Variants in SDK1 observed in about 807,000 individuals in gnomAD.
SDK1 encodes the protein protein sidekick-1.
Under a neutral mutation model 245.5 loss-of-function variants are expected in SDK1, and 157 were observed. That is an observed-to-expected ratio of 0.64 (90% CI 0.56 to 0.73). The LOEUF is 0.73. SDK1 is among the 30% of genes least tolerant of loss of function. The pLI, the probability that SDK1 is intolerant of heterozygous loss-of-function variation, is 0.00. For missense variants in SDK1, 3,583 were observed against 3,002.3 expected, an observed-to-expected ratio of 1.19 and a Z score of -4.52; for synonymous variants, 1,647 against 1,278.5, an observed-to-expected ratio of 1.29 and a Z score of -6.15.
intron 5 of SDK1, among the ~76,000 whole-genome samples, chr7:3,899,451 C>T (rs1327165731): frequency 2.0e-5 from 3 of 152,226 alleles, no homozygotes; most frequent in Non-Finnish European, 2.9e-5. Context: ...CATTTTCTCT[C>T]GGCATCAGCT....
chr7:3,983,773 A>G (rs1351014963), intron 13 of SDK1, among the ~76,000 whole-genome samples: 4 of 152,316 alleles, frequency 2.6e-5, no homozygotes, highest in Middle Eastern at 3.4e-3. Flanking sequence ...GAAACTGGGA[A>G]AAATCAATAT....
chr7:3,715,584 C>G (rs1785176943), intron 4 of SDK1, among the ~76,000 whole-genome samples: 1 of 152,150 alleles, frequency 6.6e-6, no homozygotes, highest in Admixed American at 6.5e-5. Flanking sequence ...ACAAAGGAGA[C>G]CAGGACAGCT....
intron 5 of SDK1, among the ~76,000 whole-genome samples, chr7:3,925,463 A>G (rs1314802081): frequency 1.3e-5 from 2 of 152,194 alleles, no homozygotes; most frequent in Non-Finnish European, 2.9e-5. Flanking sequence ...TACCCTCATC[A>G]GGAGAGACTG....
chr7:3,921,948 A>T (rs1779599955), intron 5 of SDK1, among the ~76,000 whole-genome samples: 1 of 152,156 alleles, frequency 6.6e-6, no homozygotes, highest in Admixed American at 6.5e-5. Flanking sequence ...CCTGGGCAAC[A>T]GAGTTAGGCC....
intron 1 of SDK1, among the ~76,000 whole-genome samples, chr7:3,382,217 C>T (rs545281930): frequency 6.6e-5 from 10 of 151,944 alleles, no homozygotes; most frequent in South Asian, 2.1e-4. Context: ...GTGATCCTCC[C>T]GCCTCTGCCT....
At chr7:3,642,446 T>A (rs1229355360) in intron 4 of SDK1, among the ~76,000 whole-genome samples, 1 of 152,202 alleles carries the variant, frequency 6.6e-6, no homozygotes, top group East Asian at 1.9e-4. Context: ...TAGTACTAAT[T>A]TAATGAGTGC....
chr7:3,543,562 A>T (rs566820032), intron 1 of SDK1, among the ~76,000 whole-genome samples: 1 of 152,238 alleles, frequency 6.6e-6, no homozygotes, highest in Admixed American at 6.5e-5. Flanking sequence ...ACATAGCCAC[A>T]TAAAGGCAGG....
intron 1 of SDK1, among the ~76,000 whole-genome samples, chr7:3,335,037 C>G (rs139367715): frequency 0.016 from 2,388 of 152,168 alleles, 56 homozygotes; most frequent in African/African-American, 0.048. Context: ...GTTTTCTCTG[C>G]TTTTAAAACA....
rs114634148 is a variant in SDK1, at chr7:3,496,889, G to A, written c.299-122191G>A. Reference sequence around the variant, plus strand: ...CACAGTTAGGTTAGTAGTGCTTGACGTGATCAGATGCCTCTTCAGAGGTCA... The same window carrying A: ...CACAGTTAGGTTAGTAGTGCTTGACATGATCAGATGCCTCTTCAGAGGTCA... On this transcript the variant is annotated intron_variant, in intron 1 of 44. Transcript: ENST00000404826. Among the ~76,000 whole-genome samples, 826 of 152,276 alleles carry A rather than the reference G, an allele frequency of 5.4e-3. 5 individuals are homozygous for A. The highest frequency in any genetic ancestry group is 0.018 in the African/African-American group (754 of 41,544).
chr7:3,427,558 T>A (rs1284341317), intron 1 of SDK1, among the ~76,000 whole-genome samples: 22 of 151,684 alleles, frequency 1.5e-4, no homozygotes, highest in African/African-American at 5.1e-4. Context: ...AATTGAGAAT[T>A]AAAAACTTAT....
chr7:3,903,096 A>C (rs529878101), intron 5 of SDK1, among the ~76,000 whole-genome samples: 38 of 151,672 alleles, frequency 2.5e-4, no homozygotes, highest in African/African-American at 8.7e-4. Context: ...CTTTACTCTC[A>C]CTAGGATGAC....
chr7:3,334,521 GCT>G (rs1398984049), intron 1 of SDK1, among the ~76,000 whole-genome samples: 2 of 152,110 alleles, frequency 1.3e-5, no homozygotes, highest in African/African-American at 4.8e-5. Flanking sequence ...GAGGACTGAG[GCT>G]CTCGGAGGTG....
intron 17 of SDK1, among the ~76,000 whole-genome samples, chr7:4,025,093 T>G (rs1311056919): frequency 1.3e-5 from 2 of 152,194 alleles, no homozygotes; most frequent in Admixed American, 1.3e-4. Flanking sequence ...CCAGTGTATG[T>G]GTACTTTGGT....
At chr7:3,769,729 T>C (rs1471850125) in intron 4 of SDK1, among the ~76,000 whole-genome samples, 2 of 152,048 alleles carry the variant, frequency 1.3e-5, no homozygotes, top group Non-Finnish European at 2.9e-5. Flanking sequence ...CTGGACTGCC[T>C]TCTATGGTAG....
At chr7:3,900,665 C>G (rs1220536941) in intron 5 of SDK1, among the ~76,000 whole-genome samples, 1 of 152,112 alleles carries the variant, frequency 6.6e-6, no homozygotes, top group Admixed American at 6.5e-5. Context: ...AACTGAATAC[C>G]TGACACCCTT....
chr7:3,378,644 C>T (rs2128566275), intron 1 of SDK1, among the ~76,000 whole-genome samples: 1 of 152,168 alleles, frequency 6.6e-6, no homozygotes, highest in South Asian at 2.1e-4. Flanking sequence ...TGTTTGTTTA[C>T]TTCAAAGGCT....
chr7:4,136,688 C>T (rs966809277), intron 28 of SDK1, among the ~76,000 whole-genome samples: 6 of 152,360 alleles, frequency 3.9e-5, no homozygotes, highest in Middle Eastern at 3.4e-3. Context: ...ATTACGCTAA[C>T]GTGATGATGC....
intron 29 of SDK1, among the ~76,000 whole-genome samples, chr7:4,146,274 A>G (rs1312595748): frequency 6.6e-6 from 1 of 151,108 alleles, no homozygotes; most frequent in African/African-American, 2.4e-5. Context: ...TCAGCCTCAC[A>G]CCTGCTCTCT....
intron 9 of SDK1, among the ~76,000 whole-genome samples, chr7:3,963,989 CG>C (rs1173987799): frequency 6.6e-6 from 1 of 152,176 alleles, no homozygotes; most frequent in African/African-American, 2.4e-5. Context: ...CCCACGCCCA[CG>C]GCTACCCGGA....
Sources: allele counts gnomAD v4.1 joint callset (sites outside exome capture counted in the v4.1 genomes callset), GRCh38; gene constraint gnomAD v4.1.1; transcripts MANE v1.5; gene names NCBI Gene and HGNC (gene_info 2026-07-23, HGNC 2026-07-21).